LINGO2: variants seen among roughly 807,000 people sequenced by gnomAD.
LINGO2 encodes leucine-rich repeat and immunoglobulin-like domain-containing nogo receptor-interacting protein 2.
LINGO2 carries 14 observed loss-of-function variants against 30.6 expected under a neutral mutation model. The ratio of observed to expected loss-of-function variants is 0.46; its 90% confidence interval spans 0.30 to 0.72. The LOEUF (loss-of-function observed/expected upper bound fraction) is 0.72, where lower values mean the gene tolerates loss of function less well. Ranked by LOEUF, LINGO2 falls within the 30% of genes least tolerant of loss-of-function variation. The pLI, the probability that LINGO2 is intolerant of heterozygous loss-of-function variation, is 0.07. For missense variants in LINGO2, 729 were observed against 751.7 expected (o/e 0.97, Z 0.35); for synonymous variants, 317 against 288.5 (o/e 1.10, Z -1.00).
the LINGO2 span, among the ~76,000 whole-genome samples, chr9:28,752,140 A>T: frequency 1.3e-5 from 2 of 152,070 alleles, no homozygotes; most frequent in African/African-American, 2.4e-5. Context: ...TTTTTAAAAT[A>T]ATAATATTGA....
the LINGO2 span, among the ~76,000 whole-genome samples, chr9:28,958,986 A>C: frequency 6.6e-6 from 1 of 152,140 alleles, no homozygotes; most frequent in East Asian, 1.9e-4. Flanking sequence ...CACTCAGATA[A>C]CTTTGTGGTA....
intron 3 of LINGO2, among the ~76,000 whole-genome samples, chr9:28,335,727 G>C (rs750727713): frequency 5.3e-4 from 80 of 151,996 alleles, no homozygotes; most frequent in Non-Finnish European, 9.7e-4. Context: ...CATGATCCAA[G>C]GATAAATAAC....
the LINGO2 span, among the ~76,000 whole-genome samples, chr9:28,989,374 T>G: frequency 6.6e-6 from 1 of 152,258 alleles, no homozygotes. Context: ...TTACAATAAC[T>G]ATTTGTATTA....
rs370900257 is a variant in LINGO2 at position 28,300,485 on chromosome 9, A to G, written c.-245-5119T>C. 8.5e-5 allele frequency among the ~76,000 whole-genome samples: 13 copies of G among 152,238 alleles called. No individual in the cohort carries two copies. In the East Asian group the frequency reaches 1.6e-3, roughly 18 times the overall value. Reference sequence around the variant, plus strand: ...TGATTATGATCTAGAAACTTTACCAATTAAAATAGGCCACATTCTTGTTTT... The same window carrying G: ...TGATTATGATCTAGAAACTTTACCAGTTAAAATAGGCCACATTCTTGTTTT... On this transcript the variant is annotated intron_variant, in intron 3 of 5. Transcript: ENST00000379992.
intron 3 of LINGO2, among the ~76,000 whole-genome samples, chr9:28,320,154 C>A (rs1206779558): frequency 6.6e-6 from 1 of 152,094 alleles, no homozygotes; most frequent in African/African-American, 2.4e-5. Flanking sequence ...AACATACAAT[C>A]CCCTCATTCT....
At chr9:29,068,000 C>A in the LINGO2 span, among the ~76,000 whole-genome samples, 5 of 151,676 alleles carry the variant, frequency 3.3e-5, no homozygotes, top group Non-Finnish European at 7.4e-5. Context: ...AAAAGAAGTT[C>A]AAATTTTTAA....
chr9:28,062,831 C>G (rs912800217), intron 4 of LINGO2, among the ~76,000 whole-genome samples: 1 of 151,670 alleles, frequency 6.6e-6, no homozygotes, highest in Non-Finnish European at 1.5e-5. Context: ...GCAACTATCA[C>G]CACATTTTCA....
chr9:29,041,463 C>A, the LINGO2 span, among the ~76,000 whole-genome samples: 1 of 151,964 alleles, frequency 6.6e-6, no homozygotes, highest in African/African-American at 2.4e-5. Flanking sequence ...AGAGTCAAGA[C>A]AGTGTGGTAT....
At chr9:28,929,267 T>C in the LINGO2 span, among the ~76,000 whole-genome samples, 2 of 152,066 alleles carry the variant, frequency 1.3e-5, no homozygotes, top group African/African-American at 4.8e-5. Flanking sequence ...CCAAGCAGAG[T>C]TCAGTTCTTT....
chr9:28,593,654 T>G (rs112169096), intron 1 of LINGO2, among the ~76,000 whole-genome samples: 185 of 152,216 alleles, frequency 1.2e-3, no homozygotes, highest in Admixed American at 6.4e-3. Flanking sequence ...AATGTATGTA[T>G]TTTAATCAAA....
chr9:28,375,339 T>C (rs939044630), intron 2 of LINGO2, among the ~76,000 whole-genome samples: 2 of 152,184 alleles, frequency 1.3e-5, no homozygotes, highest in Admixed American at 6.5e-5. Context: ...GATTATGACA[T>C]CTACTACCTT....
chr9:28,719,009 A>G, the LINGO2 span, among the ~76,000 whole-genome samples: 1 of 151,908 alleles, frequency 6.6e-6, no homozygotes, highest in Non-Finnish European at 1.5e-5. Context: ...TGCAACTCCC[A>G]CCTTTAGCAA....
In LINGO2 at chr9:28,308,213, G is replaced by A. The variant is rs1207532300; in HGVS notation, c.-245-12847C>T. ...AGGCTACAGTAACCAAAACAGCATG[G>A]TACTGGTACCAAAACAGAGATATAG... On this transcript the variant is annotated intron_variant, in intron 3 of 5. Transcript: ENST00000379992. 4.7e-5 allele frequency among the ~76,000 whole-genome samples: 6 copies of A among 128,472 alleles called. 2 individuals are homozygous for A. The East Asian group carries it at 1.4e-3, about 29-fold the overall frequency. The allele number at this position is 128,472 out of a possible 152,430, so 84.3% of individuals were successfully genotyped here.
intron 5 of LINGO2, among the ~76,000 whole-genome samples, chr9:27,964,942 A>G (rs988133935): frequency 3.3e-5 from 5 of 152,096 alleles, no homozygotes; most frequent in African/African-American, 9.7e-5. Context: ...AACGGCATGG[A>G]AAAAACTCAT....
chr9:28,873,038 G>A, the LINGO2 span, among the ~76,000 whole-genome samples: 10 of 152,090 alleles, frequency 6.6e-5, no homozygotes, highest in East Asian at 1.5e-3. Context: ...ATAATCTTTT[G>A]TTTACTTTTA....
intron 4 of LINGO2, among the ~76,000 whole-genome samples, chr9:28,075,620 T>C (rs536060265): frequency 6.6e-6 from 1 of 152,110 alleles, no homozygotes; most frequent in African/African-American, 2.4e-5. Flanking sequence ...CATTATCTCA[T>C]TGTGGTATTA....
chr9:28,469,840 A>C (rs1825451935), intron 2 of LINGO2, among the ~76,000 whole-genome samples: 1 of 152,174 alleles, frequency 6.6e-6, no homozygotes, highest in Non-Finnish European at 1.5e-5. Flanking sequence ...TTACAAGTTG[A>C]AATGAAAACA....
chr9:29,133,422 C>A, the LINGO2 span, among the ~76,000 whole-genome samples: 1 of 151,918 alleles, frequency 6.6e-6, no homozygotes, highest in African/African-American at 2.4e-5. Context: ...CTTATATATT[C>A]TCCTCAGTAT....
chr9:28,881,502 A>G, the LINGO2 span, among the ~76,000 whole-genome samples: 3 of 152,212 alleles, frequency 2.0e-5, no homozygotes, highest in African/African-American at 7.2e-5. Context: ...AATTTTCAAA[A>G]ATACAGAAAA....
Sources: allele counts gnomAD v4.1 joint callset (sites outside exome capture counted in the v4.1 genomes callset), GRCh38; gene constraint gnomAD v4.1.1; transcripts MANE v1.5; gene names NCBI Gene and HGNC (gene_info 2026-07-23, HGNC 2026-07-21).